Variants in TRPC4 observed in about 807,000 individuals in gnomAD.
TRPC4 encodes transient receptor potential cation channel subfamily C member 4, also known as short transient receptor potential channel 4.
TRPC4 carries 49 observed loss-of-function variants against 99.4 expected under a neutral mutation model. That is an observed-to-expected ratio of 0.49 (90% CI 0.39 to 0.63). TRPC4 has a LOEUF of 0.63. Ranked by LOEUF, TRPC4 falls within the 20% of genes least tolerant of loss-of-function variation. TRPC4 has a pLI of 0.00. For missense variants in TRPC4, 898 were observed against 1,152.9 expected (o/e 0.78, Z 3.20); for synonymous variants, 454 against 425.9 (o/e 1.07, Z -0.81).
rs551371724 is a variant in TRPC4, at chr13:37,683,266, C to T, written c.1234+8733G>A. Among the ~76,000 whole-genome samples, 5 of 152,196 alleles carry T rather than the reference C, an allele frequency of 3.3e-5. No homozygotes were observed. The South Asian group carries it at 6.2e-4, about 19-fold the overall frequency. On this transcript the variant is annotated intron_variant, in intron 4 of 10. Transcript: ENST00000379705. ...TTGGGCAGGTGGCTTGCTCATCTCC[C>T]CCTGGGTTCAGCTCATCACAGAAAA... is the stretch of plus-strand genomic sequence containing the variant.
intron 3 of TRPC4, among the ~76,000 whole-genome samples, chr13:37,693,920 C>T (rs558307495): frequency 3.3e-4 from 50 of 152,174 alleles, no homozygotes; most frequent in Non-Finnish European, 4.9e-4. Context: ...TTATCTTGTA[C>T]GGCACTTACT....
chr13:37,761,141 T>C (rs1161050658), intron 2 of TRPC4, among the ~76,000 whole-genome samples: 1 of 151,984 alleles, frequency 6.6e-6, no homozygotes, highest in Non-Finnish European at 1.5e-5. Context: ...GCAAATATAC[T>C]TGGAGTCTAA....
At chr13:37,823,015 T>A (rs1566198110) in intron 1 of TRPC4, among the ~76,000 whole-genome samples, 1 of 149,690 alleles carries the variant, frequency 6.7e-6, no homozygotes, top group Non-Finnish European at 1.5e-5. Context: ...ATTTCTCTGA[T>A]GGCCAGTGAT....
At chr13:37,724,653 C>T (rs892115067) in intron 3 of TRPC4, among the ~76,000 whole-genome samples, 5 of 151,964 alleles carry the variant, frequency 3.3e-5, no homozygotes, top group African/African-American at 1.2e-4. Flanking sequence ...TTAGGTAAAA[C>T]AATCTAAGTA....
intron 8 of TRPC4, among the ~76,000 whole-genome samples, 198 bp downstream of exon 8, chr13:37,651,067 G>A (rs1174550420): frequency 1.3e-5 from 2 of 152,148 alleles, no homozygotes; most frequent in African/African-American, 2.4e-5. Flanking sequence ...GACTGCCCTC[G>A]ATGCAGGAAA....
chr13:37,746,353 A>G lies in TRPC4; in HGVS notation c.481T>C (p.Leu161=), dbSNP rs1203146451. 5.6e-6 allele frequency: 9 copies of G among 1,613,796 alleles called. No homozygotes were observed. In the East Asian group the frequency reaches 1.8e-4, roughly 32 times the overall value. The change falls in exon 3 of 11, where the codon TTG becomes CTG. Residue 161 remains leucine, a synonymous_variant. Transcript: ENST00000379705. The part of the protein sequence containing the change: ...HTNNYEIIKL[L]VQKGVSVPRP... ...GGCACTGAGACTCCTTTCTGAACCAAGAGTTTTATTATCTCATAATTATTT... is the reference window on the plus strand; with the variant it reads ...GGCACTGAGACTCCTTTCTGAACCAGGAGTTTTATTATCTCATAATTATTT...
At chr13:37,776,730 G>C (rs1044392679) in intron 2 of TRPC4, among the ~76,000 whole-genome samples, 1 of 151,914 alleles carries the variant, frequency 6.6e-6, no homozygotes, top group Non-Finnish European at 1.5e-5. Flanking sequence ...TGCGATTGCA[G>C]ACTTGTTCCA....
At position 37,637,326 on chromosome 13, in the gene TRPC4, A is replaced by T; in HGVS notation, c.2511T>A (p.Asn837Lys). 6.2e-7 allele frequency: 1 copy of T among 1,613,746 alleles called. No individual in the cohort carries two copies. Among genetic ancestry groups the T allele is most frequent in the Non-Finnish European group, 8.5e-7 (1 of 1,179,856 alleles). Reference protein sequence around the residue: ...EPPREKQRKVNFVTDIKNFGL... With the variant: ...EPPREKQRKVKFVTDIKNFGL... ...CAAAGTTTTTGATATCGGTCACAAA[A>T]TTCACTTTTCTCTGCTTCTCCCTGG... The change falls in exon 11 of 11, where the codon AAT becomes AAA. Residue 837 changes from asparagine to lysine, a missense_variant. By Grantham distance (94) the Asn-to-Lys change is moderately conservative. Transcript: ENST00000379705.
At chr13:37,722,022 T>C (rs945180664) in intron 3 of TRPC4, among the ~76,000 whole-genome samples, 3 of 152,172 alleles carry the variant, frequency 2.0e-5, no homozygotes, top group Non-Finnish European at 2.9e-5. Context: ...TTGTAGAAGA[T>C]TATGGATTAA....
At chr13:37,811,191 A>G (rs1428293330) in intron 1 of TRPC4, among the ~76,000 whole-genome samples, 5 of 152,186 alleles carry the variant, frequency 3.3e-5, no homozygotes, top group Admixed American at 2.0e-4. Context: ...TCTATTTTAT[A>G]ACAACAAAAA....
At chr13:37,863,729 G>T (rs1191531409) in intron 1 of TRPC4, among the ~76,000 whole-genome samples, 3 of 151,586 alleles carry the variant, frequency 2.0e-5, no homozygotes, top group Non-Finnish European at 3.0e-5. Flanking sequence ...TGTACACTAT[G>T]CCTGTCCTCT....
chr13:37,816,207 A>G (rs1438773984), intron 1 of TRPC4, among the ~76,000 whole-genome samples: 1 of 151,968 alleles, frequency 6.6e-6, no homozygotes, highest in Non-Finnish European at 1.5e-5. Flanking sequence ...GATTCAAGTC[A>G]ACAAAAAGAG....
intron 3 of TRPC4, among the ~76,000 whole-genome samples, chr13:37,742,529 G>A (rs1210761164): frequency 1.3e-5 from 2 of 152,110 alleles, no homozygotes; most frequent in Admixed American, 6.6e-5. Flanking sequence ...GCAATATAGG[G>A]TGTGTATAAT....
At chr13:37,715,987 G>C (rs1323740296) in intron 3 of TRPC4, among the ~76,000 whole-genome samples, 3 of 152,190 alleles carry the variant, frequency 2.0e-5, no homozygotes, top group Non-Finnish European at 4.4e-5. Flanking sequence ...GAGCCAAGGC[G>C]TACACATAGG....
chr13:37,727,739 G>A (rs1392282462), intron 3 of TRPC4, among the ~76,000 whole-genome samples: 4 of 151,830 alleles, frequency 2.6e-5, no homozygotes, highest in Non-Finnish European at 5.9e-5. Context: ...TCTAAAGAAA[G>A]AAAAAGGATT....
Position 37,633,477 on chromosome 13 carries a change from C to T in TRPC4, c.*3426G>A, listed in dbSNP as rs565640588. 8.5e-5 allele frequency among the ~76,000 whole-genome samples: 13 copies of T among 152,222 alleles called. No homozygotes were observed. Among genetic ancestry groups the T allele is most frequent in the African/African-American group, 3.1e-4 (13 of 41,562 alleles). On this transcript the variant is annotated 3_prime_UTR_variant, in exon 11 of 11. Transcript: ENST00000379705. ...AGCTGTGAGACTGGATAGTCATTTA[C>T]TCAGCTAAATCCCAGAGTTATTAAG...
chr13:37,654,422 T>A (rs982864047), intron 7 of TRPC4, among the ~76,000 whole-genome samples: 2 of 152,130 alleles, frequency 1.3e-5, no homozygotes, highest in Non-Finnish European at 2.9e-5. Flanking sequence ...AGCAGATAAG[T>A]TCAACTTTGT....
At chr13:37,836,558 A>C (rs955076807) in intron 1 of TRPC4, among the ~76,000 whole-genome samples, 1 of 152,192 alleles carries the variant, frequency 6.6e-6, no homozygotes, top group East Asian at 1.9e-4. Flanking sequence ...GACTGGTGGC[A>C]TTTAGCCCCT....
intron 1 of TRPC4, among the ~76,000 whole-genome samples, chr13:37,858,423 G>T (rs1217566938): frequency 6.6e-6 from 1 of 151,060 alleles, no homozygotes; most frequent in South Asian, 2.1e-4. Context: ...CCCACTGCAG[G>T]GTATATACCC....
Sources: allele counts gnomAD v4.1 joint callset (sites outside exome capture counted in the v4.1 genomes callset), GRCh38; gene constraint gnomAD v4.1.1; transcripts MANE v1.5; gene names NCBI Gene and HGNC (gene_info 2026-07-23, HGNC 2026-07-21).